The following JMJD1C variants were observed in gnomAD, a reference collection of about 807,000 sequenced individuals.
JMJD1C encodes jumonji domain containing 1C, also known as jumonji domain-containing protein 1C.
Under a neutral mutation model 245.3 loss-of-function variants are expected in JMJD1C, and 31 were observed. The ratio of observed to expected loss-of-function variants is 0.13; its 90% CI spans 0.09 to 0.17. The LOEUF (loss-of-function observed/expected upper bound fraction) is 0.17, where lower values mean the gene tolerates loss of function less well. Among genes scored for constraint, JMJD1C ranks in the 10% least tolerant of loss-of-function variants. The pLI is 1.00. For synonymous variants in JMJD1C, 1,057 were observed against 1,017.4 expected, an observed-to-expected ratio of 1.04 and a Z score of -0.74; for missense variants, 2,691 against 3,000.2, an observed-to-expected ratio of 0.90 and a Z score of 2.41.
At chr10:63,182,943 C>G (rs1189708052) in intron 22 of JMJD1C, among the ~76,000 whole-genome samples, 2 of 152,116 alleles carry the variant, frequency 1.3e-5, no homozygotes, top group African/African-American at 4.8e-5. Flanking sequence ...CTCACCGCAA[C>G]CTCCGCCTCC....
chr10:63,260,894 C>CA (rs758298046), intron 3 of JMJD1C, among the ~76,000 whole-genome samples: 1 of 151,898 alleles, frequency 6.6e-6, no homozygotes, highest in African/African-American at 2.4e-5. Flanking sequence ...CCTGGCGTAA[C>CA]AAAAAACTAT....
intron 1 of JMJD1C, among the ~76,000 whole-genome samples, chr10:63,503,918 G>T (rs896347960): frequency 6.6e-6 from 1 of 152,174 alleles, no homozygotes; most frequent in Non-Finnish European, 1.5e-5. Flanking sequence ...AGATTAAGCA[G>T]TATCTCCAAC....
chr10:63,371,113 G>T (rs1037905527), intron 2 of JMJD1C, among the ~76,000 whole-genome samples: 4 of 151,634 alleles, frequency 2.6e-5, no homozygotes, highest in African/African-American at 4.9e-5. Flanking sequence ...GAGTAGCTGG[G>T]ACTACAAGGC....
chr10:63,197,854 C>T (rs1845618144), intron 12 of JMJD1C, among the ~76,000 whole-genome samples: 1 of 152,190 alleles, frequency 6.6e-6, no homozygotes, highest in African/African-American at 2.4e-5. Context: ...TTACTCTGTG[C>T]ATTGCAGACT....
rs1327516643 is a variant in JMJD1C, at chr10:63,465,567, G to A, written c.96C>T (p.Arg32=). The A allele has an allele frequency of 1.9e-6, 3 of 1,607,602 alleles. No homozygotes were observed. The highest frequency in any genetic ancestry group is 2.5e-6 in the Non-Finnish European group (3 of 1,179,562). The change falls in exon 1 of 26, where the codon CGC becomes CGT. Residue 32 remains arginine (R), a synonymous_variant. Coordinates refer to ENST00000399262, the MANE Select transcript of JMJD1C (RefSeq NM_032776.3). ...CCCCCGCTCGCCAGCTTCGCCAGCC[G>A]CGTCCGCTCTCCCAGCGCTCCGAAC... ...EARSERWESG[R]GWRSWRAGVI... is the part of the protein sequence containing the mutation.
At chr10:63,246,554 T>TTATCACCACC (rs1852228031) in intron 3 of JMJD1C, among the ~76,000 whole-genome samples, 1 of 151,970 alleles carries the variant, frequency 6.6e-6, no homozygotes, top group South Asian at 2.1e-4. Context: ...CTGAGAGAAT[T>TTATCACCACC]TATCACCACC....
intron 1 of JMJD1C, among the ~76,000 whole-genome samples, chr10:63,387,628 A>AATTTTTTT (rs1947718275): frequency 1.1e-4 from 2 of 18,526 alleles, no homozygotes; most frequent in African/African-American, 2.1e-4. Flanking sequence ...AGAAAAAAAA[A>AATTTTTTT]ATTTTTTTTT....
At position 63,233,635 on chromosome 10, in the gene JMJD1C, C is replaced by G. The variant is rs1850278146; in HGVS notation, c.448-13652G>C. On this transcript the variant is annotated intron_variant, in intron 3 of 25. Transcript: ENST00000399262. ...GCCTTAAAAATATTTTATCTTGGCT[C>G]AAATGATCACAAACAGAACCATAAA... Among the ~76,000 whole-genome samples, 5 of 151,598 alleles carry G rather than the reference C, an allele frequency of 3.3e-5. No homozygotes were observed. The South Asian group carries it at 8.3e-4, about 25-fold the overall frequency.
At chr10:63,329,617 T>G (rs571784909) in intron 2 of JMJD1C, among the ~76,000 whole-genome samples, 5 of 151,996 alleles carry the variant, frequency 3.3e-5, no homozygotes, top group Non-Finnish European at 4.4e-5. Context: ...CACATATGTA[T>G]ATACAAATGG....
At position 63,209,123 on chromosome 10, in the gene JMJD1C, A is replaced by G. The variant is rs1192615558; in HGVS notation, c.2807T>C (p.Leu936Pro). 6.2e-7 allele frequency: 1 copy of G among 1,614,020 alleles called. No homozygotes were observed. The highest frequency in any genetic ancestry group is 1.7e-5 in the Admixed American group (1 of 60,002). The stretch of plus-strand genomic sequence containing the variant: ...TGGACTGGAATGGGCTGTAATTTTA[A>G]GAGGCCGATGAGGCTCTGCACTGGA... Reference protein sequence around the residue: ...RPSSAEPHRPLKITAHSSPPL... With the variant: ...RPSSAEPHRPPKITAHSSPPL... The change falls in exon 9 of 26, where the codon CTT becomes CCT. Residue 936 changes from leucine to proline, a missense_variant. Transcript: ENST00000399262.
chr10:63,440,882 T>C (rs1004181693), intron 1 of JMJD1C, among the ~76,000 whole-genome samples: 1 of 152,300 alleles, frequency 6.6e-6, no homozygotes, highest in Middle Eastern at 3.4e-3. Context: ...GGTAAAATAG[T>C]ACCTATCTTA....
At chr10:63,391,837 A>C (rs1948084358) in intron 1 of JMJD1C, among the ~76,000 whole-genome samples, 1 of 152,212 alleles carries the variant, frequency 6.6e-6, no homozygotes, top group African/African-American at 2.4e-5. Context: ...AAGGAGCCAA[A>C]GCAATCCTGA....
rs1847680969 is a variant in JMJD1C at position 63,214,083 on chromosome 10, G to A, written c.2084C>T (p.Thr695Ile). 2 of 1,614,078 alleles carry A rather than the reference G, an allele frequency of 1.2e-6. No homozygotes were observed. The highest frequency in any genetic ancestry group is 1.7e-6 in the Non-Finnish European group (2 of 1,179,904). ...AAGAGGACTCTTTGTAGTTTCTAATGTACTGCTTCGAGTAGGAATTGGATG... is the reference window on the plus strand; with the variant it reads ...AAGAGGACTCTTTGTAGTTTCTAATATACTGCTTCGAGTAGGAATTGGATG... ...SFHPIPTRSS[T>I]LETTKSPLII... The change falls in exon 8 of 26, where the codon ACA (threonine) becomes ATA (isoleucine). Residue 695 changes from threonine (T) to isoleucine (I), a missense_variant. Thr to Ile is a moderately conservative substitution (Grantham distance 89, BLOSUM62 -1). Coordinates refer to ENST00000399262, the MANE Select transcript of JMJD1C (RefSeq NM_032776.3).
At chr10:63,283,367 C>CTTTTTTTTTTTTTTTTTGTTT (rs1857621071) in intron 2 of JMJD1C, among the ~76,000 whole-genome samples, 1 of 122,544 alleles carries the variant, frequency 8.2e-6, no homozygotes. Flanking sequence ...CTTTCTGAGC[C>CTTTTTTTTTTTTTTTTTGTTT]TTTTTTTTTT....
At chr10:63,171,956 G>A (rs1015994117) in intron 24 of JMJD1C, among the ~76,000 whole-genome samples, 1 of 152,174 alleles carries the variant, frequency 6.6e-6, no homozygotes, top group Non-Finnish European at 1.5e-5. Flanking sequence ...TCTTAAAACT[G>A]CATTGCCACC....
At chr10:63,261,277 G>A (rs1006864686) in intron 3 of JMJD1C, among the ~76,000 whole-genome samples, 6 of 151,954 alleles carry the variant, frequency 3.9e-5, no homozygotes, top group East Asian at 1.9e-4. Context: ...CCAACTAAAC[G>A]TCACCCAAAA....
chr10:63,252,637 C>G (rs1242066192), intron 3 of JMJD1C, among the ~76,000 whole-genome samples: 1 of 152,174 alleles, frequency 6.6e-6, no homozygotes, highest in African/African-American at 2.4e-5. Context: ...CCCCACTTGC[C>G]ACATCCCATA....
Position 63,184,657 on chromosome 10 carries a change from T to C in JMJD1C, c.6912A>G (p.Pro2304=), listed in dbSNP as rs369060332. 9 of 1,613,882 alleles carry C rather than the reference T, an allele frequency of 5.6e-6. No homozygotes were observed. In the African/African-American group the frequency reaches 1.2e-4, roughly 22 times the overall value. The change falls in exon 21 of 26, where the codon CCA becomes CCG. Residue 2304 remains proline (P), a synonymous_variant. Coordinates refer to ENST00000399262, the MANE Select transcript of JMJD1C (RefSeq NM_032776.3). ...CTAGATCAGGACGTACAAAAAATCC[T>C]GGCAAATGAGAGGCCAAATTGAATT... ...EGKFNLASHL[P]GFFVRPDLGP...
Position 63,193,530 on chromosome 10 carries a change from A to AT in JMJD1C, c.5735-59dup, listed in dbSNP as rs1210767670. 7.8e-6 allele frequency: 10 copies of AT among 1,283,772 alleles called. No homozygotes were observed. In the South Asian group the frequency reaches 1.1e-4, roughly 14 times the overall value. The allele number at this position is 1,283,772 out of a possible 1,614,324, so 79.5% of individuals were successfully genotyped here. A position where few individuals can be genotyped will look rare whatever the true frequency, so the allele number is the denominator to read the frequency against. ...TACCACTAGTTGTTAATGCTGTAAA[A>AT]TTTTTTTCTTACAATATTTTGTATT... On this transcript the variant is annotated intron_variant, in intron 14 of 25. Transcript: ENST00000399262.
Sources: allele counts gnomAD v4.1 joint callset (sites outside exome capture counted in the v4.1 genomes callset), GRCh38; gene constraint gnomAD v4.1.1; transcripts MANE v1.5; gene names NCBI Gene and HGNC (gene_info 2026-07-23, HGNC 2026-07-21).